Variants in TBCE observed in about 807,000 individuals in gnomAD.
TBCE encodes tubulin folding cofactor E.
In TBCE, 53 loss-of-function variants were observed where a neutral mutation model predicts 77.0. That is an observed-to-expected ratio of 0.69 (90% CI 0.55 to 0.87). The LOEUF (loss-of-function observed/expected upper bound fraction) is 0.87. TBCE is among the 40% of genes least tolerant of loss of function. The pLI, the probability that TBCE is intolerant of heterozygous loss-of-function variation, is 0.00. For synonymous variants in TBCE, 235 were observed against 241.3 expected, an observed-to-expected ratio of 0.97 and a Z score of 0.24; for missense variants, 624 against 622.4, an observed-to-expected ratio of 1.00 and a Z score of -0.03.
At chr1:235,374,468 G>A (rs1314642147) in intron 1 of TBCE, among the ~76,000 whole-genome samples, 1 of 145,850 alleles carries the variant, frequency 6.9e-6, no homozygotes, top group Non-Finnish European at 1.5e-5. Context: ...AGGAAGCAGG[G>A]AAAGCAGAAA....
intron 1 of TBCE, among the ~76,000 whole-genome samples, chr1:235,369,384 G>T (rs1676758606): frequency 6.6e-6 from 1 of 151,964 alleles, no homozygotes; most frequent in South Asian, 2.1e-4. Context: ...GTGCGTGCCT[G>T]TAATCTCAGC....
intron 4 of TBCE, among the ~76,000 whole-genome samples, chr1:235,417,810 C>G (rs929174581): frequency 5.3e-5 from 8 of 152,082 alleles, no homozygotes; most frequent in Non-Finnish European, 1.2e-4. Flanking sequence ...GAGTTTCACT[C>G]TTGTTACCCA....
At chr1:235,424,719 G>A (rs1239706926) in intron 5 of TBCE, among the ~76,000 whole-genome samples, 1 of 151,992 alleles carries the variant, frequency 6.6e-6, no homozygotes, top group African/African-American at 2.4e-5. Context: ...TGGTCAGGCT[G>A]GTCTCGAACC....
At chr1:235,368,552 CTTT>C (rs757168655) in intron 1 of TBCE, among the ~76,000 whole-genome samples, 1 of 49,764 alleles carries the variant, frequency 2.0e-5, no homozygotes, top group East Asian at 6.8e-4. Context: ...GGACAGCCTG[CTTT>C]TTTTTTTTTT....
Position 235,414,515 on chromosome 1 carries a change from G to A in TBCE, c.268G>A (p.Val90Met). ...DFLTAIKNRY[V>M]LEDGPEEDRK... ...TCTTACTGCAATTAAGAACCGCTAT[G>A]TGTTAGAAGATGGACCAGAGGAAGA... Residue 90 changes from valine (V) to methionine (M), a missense_variant, in exon 4 of 17, where the codon GTG becomes ATG. Coordinates refer to ENST00000642610, the MANE Select transcript of TBCE (RefSeq NM_003193.5). 1 of 1,613,910 alleles carries A rather than the reference G, an allele frequency of 6.2e-7. No individual in the cohort carries two copies. Among genetic ancestry groups the A allele is most frequent in the Non-Finnish European group, 8.5e-7 (1 of 1,179,984 alleles).
At chr1:235,391,680 C>T (rs1678404309) in intron 2 of TBCE, among the ~76,000 whole-genome samples, 1 of 134,606 alleles carries the variant, frequency 7.4e-6, no homozygotes, top group Non-Finnish European at 1.5e-5. Flanking sequence ...GATCTCTGCT[C>T]ACTGCAACCA....
In TBCE at chr1:235,414,589, C is replaced by T. The variant is rs752345424; in HGVS notation, c.342C>T (p.Ile114=). 1.3e-5 allele frequency: 21 copies of T among 1,613,520 alleles called. No individual in the cohort carries two copies. The highest frequency in any genetic ancestry group is 9.3e-5 in the African/African-American group (7 of 74,868). Reference sequence around the variant, plus strand: ...TTGGAAATAAACCTGTGGAGACTATCGGTTTTGACTCTATTATGAAACAGC... The same window carrying T: ...TTGGAAATAAACCTGTGGAGACTATTGGTTTTGACTCTATTATGAAACAGC... The part of the protein sequence containing the change: ...VTIGNKPVET[I]GFDSIMKQQS... Residue 114 remains isoleucine (I), a synonymous_variant, in exon 4 of 17, where the codon ATC becomes ATT. Transcript: ENST00000642610.
intron 12 of TBCE, among the ~76,000 whole-genome samples, chr1:235,437,959 G>A (rs1681572399): frequency 6.6e-6 from 1 of 152,152 alleles, no homozygotes; most frequent in Non-Finnish European, 1.5e-5. Flanking sequence ...TCAGGAGAGA[G>A]TCCTCCACTT....
chr1:235,405,700 A>T (rs1343551981), intron 3 of TBCE, among the ~76,000 whole-genome samples: 1 of 152,188 alleles, frequency 6.6e-6, no homozygotes, highest in Non-Finnish European at 1.5e-5. Flanking sequence ...AGTATAGTGA[A>T]CACTTAAACT....
intron 2 of TBCE, among the ~76,000 whole-genome samples, chr1:235,398,276 G>A (rs971365046): frequency 2.6e-5 from 4 of 151,164 alleles, no homozygotes; most frequent in Non-Finnish European, 5.9e-5. Context: ...CTCCCAACTA[G>A]CTGGGATTAC....
chr1:235,446,244 C>G (rs763416966), intron 15 of TBCE, among the ~76,000 whole-genome samples: 1 of 151,996 alleles, frequency 6.6e-6, no homozygotes, highest in African/African-American at 2.4e-5. Context: ...GGCATGATCT[C>G]GGCTCACTGC....
At chr1:235,446,298 T>A (rs1221222801) in intron 15 of TBCE, among the ~76,000 whole-genome samples, 2 of 152,118 alleles carry the variant, frequency 1.3e-5, no homozygotes, top group Admixed American at 1.3e-4. Context: ...GGCCTCAGCT[T>A]CCCAAGTAGC....
Position 235,401,488 on chromosome 1 carries a change from T to C in TBCE, c.101-15T>C, listed in dbSNP as rs1679099328. The C allele has an allele frequency of 6.2e-7, 1 of 1,612,434 alleles. No individual in the cohort carries two copies. Among genetic ancestry groups the C allele is most frequent in the African/African-American group, 1.3e-5 (1 of 75,008 alleles). On this transcript the variant is annotated splice_polypyrimidine_tract_variant and intron_variant, in intron 2 of 16. Transcript: ENST00000642610. ...TCATCATCTGTTACTCATTTGGTTT[T>C]TCTTGTTCTGCTAGGACCCTGGTTA...
Position 235,450,015 on chromosome 1 carries a change from A to C in TBCE, c.*1253A>C. 1 of 537,558 alleles carries C rather than the reference A, an allele frequency of 1.9e-6. No homozygotes were observed. Among genetic ancestry groups the C allele is most frequent in the East Asian group, 3.1e-5 (1 of 32,680 alleles). 33.3% of individuals were successfully genotyped at this position (537,558 alleles called of 1,614,324 possible). A position where few individuals can be genotyped will look rare whatever the true frequency, so the allele number is the denominator to read the frequency against. On this transcript the variant is annotated 3_prime_UTR_variant, in exon 17 of 17. Transcript: ENST00000642610. ...TAAATAAAAACTTTTCTTATGCTAC[A>C]GTACAAGTTGATTTTTAAGGAAATT...
Position 235,408,930 on chromosome 1 carries a change from C to T in TBCE, c.186-5503C>T, listed in dbSNP as rs540279305. Among the ~76,000 whole-genome samples the T allele has an allele frequency of 3.9e-5, 6 of 152,030 alleles. No individual in the cohort carries two copies. In the South Asian group the frequency reaches 6.2e-4, roughly 16 times the overall value. On this transcript the variant is annotated intron_variant, in intron 3 of 16. Transcript: ENST00000642610. ...TGGGAGTCTGTTGGGGACCCTTTAC[C>T]TTTGTGTAGTGTTGCCAGATTCAGC...
At chr1:235,390,926 G>C (rs545362799) in intron 2 of TBCE, among the ~76,000 whole-genome samples, 4 of 152,160 alleles carry the variant, frequency 2.6e-5, no homozygotes, top group Admixed American at 1.3e-4. Flanking sequence ...TTCCTCATAT[G>C]ATAAGGAAGC....
intron 2 of TBCE, among the ~76,000 whole-genome samples, chr1:235,382,373 C>T (rs1185952313): frequency 1.3e-5 from 2 of 152,134 alleles, no homozygotes; most frequent in Non-Finnish European, 2.9e-5. Context: ...AGTTCTAGAT[C>T]CCCAAGGAAT....
At chr1:235,388,283 C>CTTTTTTTTT (rs908940784) in intron 2 of TBCE, among the ~76,000 whole-genome samples, 26 of 117,322 alleles carry the variant, frequency 2.2e-4, no homozygotes, top group Non-Finnish European at 3.2e-4. Context: ...TCTGTTACTT[C>CTTTTTTTTT]TTTTTTTTTT....
chr1:235,390,745 G>T (rs1014702763), intron 2 of TBCE, among the ~76,000 whole-genome samples: 1 of 135,320 alleles, frequency 7.4e-6, no homozygotes, highest in Non-Finnish European at 1.5e-5. Flanking sequence ...TGGGTGACAA[G>T]AGCGAAACGT....
Sources: allele counts gnomAD v4.1 joint callset (sites outside exome capture counted in the v4.1 genomes callset), GRCh38; gene constraint gnomAD v4.1.1; transcripts MANE v1.5; gene names NCBI Gene and HGNC (gene_info 2026-07-23, HGNC 2026-07-21).